BDH1: variants seen among roughly 807,000 people sequenced by gnomAD.
The protein encoded by BDH1 is D-beta-hydroxybutyrate dehydrogenase, mitochondrial.
A neutral mutation model predicts 33.1 loss-of-function variants in BDH1; 30 were observed. That is an observed-to-expected ratio of 0.91 (90% confidence interval 0.68 to 1.23). BDH1 has a LOEUF of 1.23. BDH1 is among the 50% of genes most tolerant of loss of function. BDH1 has a pLI of 0.00. For missense variants in BDH1, 443 were observed against 464.4 expected, an observed-to-expected ratio of 0.95 and a Z score of 0.42; for synonymous variants, 190 against 183.6, an observed-to-expected ratio of 1.03 and a Z score of -0.28.
intron 3 of BDH1, among the ~76,000 whole-genome samples, chr3:197,537,336 A>G (rs903320872): frequency 6.6e-6 from 1 of 152,228 alleles, no homozygotes; most frequent in Non-Finnish European, 1.5e-5. Flanking sequence ...CATTGCTAGT[A>G]TACAGAAATG....
In BDH1 at chr3:197,514,520, C is replaced by T. The variant is rs1332270271; in HGVS notation, c.410-104G>A. On this transcript the variant is annotated intron_variant, in intron 6 of 7. Coordinates refer to ENST00000392379, the MANE Select transcript of BDH1 (RefSeq NM_203314.3). This position sits in a 1 kb window ranked among gnomAD's most constrained non-coding sequence, Gnocchi z 4.2. The stretch of plus-strand genomic sequence containing the variant: ...CCTCTCTGCTTCTTTCCTGTGACTT[C>T]CCAGCCTCTCGCCCAGTGCTCTCAA... The T allele has an allele frequency of 3.8e-6, 5 of 1,328,394 alleles. No homozygotes were observed. The South Asian group carries it at 6.1e-5, about 16-fold the overall frequency. 82.3% of individuals were successfully genotyped at this position (1,328,394 alleles called of 1,614,324 possible).
chr3:197,568,901 A>T (rs915836441), intron 1 of BDH1, among the ~76,000 whole-genome samples: 1 of 152,236 alleles, frequency 6.6e-6, no homozygotes, highest in African/African-American at 2.4e-5. Context: ...TCATAAATCA[A>T]TGCAGGCTCC....
chr3:197,559,095 A>G (rs1717178850), upstream of BDH1, among the ~76,000 whole-genome samples: 1 of 148,878 alleles, frequency 6.7e-6, no homozygotes, highest in Admixed American at 6.8e-5. Flanking sequence ...CTCCGCCTCC[A>G]GGGTTCAAGC....
chr3:197,572,479 T>C (rs559694237), intron 1 of BDH1, among the ~76,000 whole-genome samples: 1 of 152,332 alleles, frequency 6.6e-6, no homozygotes, highest in Non-Finnish European at 1.5e-5. Context: ...GGTGATATTT[T>C]CCAGACCTCC....
At position 197,512,285 on chromosome 3, in the gene BDH1, C is replaced by T; in HGVS notation, c.642G>A (p.Gly214=). The T allele has an allele frequency of 1.2e-6, 2 of 1,612,826 alleles. No individual in the cohort carries two copies. The highest frequency in any genetic ancestry group is 1.6e-4 in the Middle Eastern group (1 of 6,062). Reference sequence around the variant, plus strand: ...GCAGGCAGTCCGAGAAAGCCTCTACCCCGAACTTGGTGATGCAGTACGGGG... The same window carrying T: ...GCAGGCAGTCCGAGAAAGCCTCTACTCCGAACTTGGTGATGCAGTACGGGG... ...ARSPYCITKF[G]VEAFSDCLRY... Residue 214 remains glycine (G), a synonymous_variant, in exon 8 of 8, where the codon GGG becomes GGA. Coordinates refer to ENST00000392379, the MANE Select transcript of BDH1 (RefSeq NM_203314.3).
At chr3:197,556,480 C>T (rs2108770231), upstream of BDH1, among the ~76,000 whole-genome samples, 1 of 152,214 alleles carries the variant, frequency 6.6e-6, no homozygotes, top group African/African-American at 2.4e-5. Flanking sequence ...CCAGCCTGGC[C>T]AACATGGTGA....
At chr3:197,529,060 A>C (rs1714401685) in intron 5 of BDH1, 1 of 152,182 alleles carries the variant, frequency 6.6e-6, no homozygotes, top group African/African-American at 2.4e-5. Flanking sequence ...CATTCTGCAG[A>C]AGAATCCAGC....
In BDH1 at chr3:197,512,209, T is replaced by C; in HGVS notation, c.718A>G (p.Asn240Asp). The change falls in exon 8 of 8, where the codon AAC becomes GAC. Residue 240 changes from asparagine to aspartate, a missense_variant. Asn to Asp is a conservative substitution (Grantham distance 23). Transcript: ENST00000392379. ...TAAAGGCTGGTGGCAGCGATGAAGT[T>C]GCCGGGCTCCACCACGCTGACCTTC... The part of the protein sequence containing the change: ...GVKVSVVEPG[N>D]FIAATSLYSP... The C allele has an allele frequency of 6.2e-7, 1 of 1,613,986 alleles. No individual in the cohort carries two copies. The highest frequency in any genetic ancestry group is 8.5e-7 in the Non-Finnish European group (1 of 1,180,018).
intron 4 of BDH1, 28 bp downstream of exon 4, chr3:197,533,461 G>T: frequency 3.7e-6 from 6 of 1,610,622 alleles, no homozygotes; most frequent in Middle Eastern, 1.7e-4. Context: ...CATCCAACTG[G>T]CTCCCGGGTA....
chr3:197,513,943 T>C (rs116630458), intron 7 of BDH1, among the ~76,000 whole-genome samples: 2,952 of 152,318 alleles, frequency 0.019, 97 homozygotes, highest in African/African-American at 0.066. Flanking sequence ...ACCTGACTGA[T>C]ACAAAGATGT....
intron 1 of BDH1, among the ~76,000 whole-genome samples, chr3:197,562,792 TGAG>T (rs1717308616): frequency 6.6e-6 from 1 of 151,400 alleles, no homozygotes; most frequent in African/African-American, 2.4e-5. Context: ...AATCTGAGAA[TGAG>T]GAGAAAACAA....
chr3:197,570,671 A>G (rs1157555382), intron 1 of BDH1, among the ~76,000 whole-genome samples: 1 of 152,242 alleles, frequency 6.6e-6, no homozygotes, highest in Non-Finnish European at 1.5e-5. Flanking sequence ...GGTGCACAGA[A>G]GTCAAGAATT....
intron 3 of BDH1, among the ~76,000 whole-genome samples, chr3:197,539,955 C>G (rs1715460441): frequency 6.6e-6 from 1 of 152,320 alleles, no homozygotes; most frequent in South Asian, 2.1e-4. Context: ...TCTTGATAAA[C>G]CGGTTCTGTC....
At position 197,522,091 on chromosome 3, in the gene BDH1, C is replaced by G. The variant is rs1713613803; in HGVS notation, c.409+549G>C. On this transcript the variant is annotated intron_variant, in intron 6 of 7. Transcript: ENST00000392379. This position sits in a 1 kb window ranked among gnomAD's most constrained non-coding sequence, Gnocchi z 4.8. ...CACTTGACCAACAGCCCCCGCTACCCTCCCCGTGCTCCTCGAAGCTGTGGT... is the reference window on the plus strand; with the variant it reads ...CACTTGACCAACAGCCCCCGCTACCGTCCCCGTGCTCCTCGAAGCTGTGGT... 6.6e-6 allele frequency among the ~76,000 whole-genome samples: 1 copy of G among 152,214 alleles called. No homozygotes were observed. Among genetic ancestry groups the G allele is most frequent in the Non-Finnish European group, 1.5e-5 (1 of 68,042 alleles).
chr3:197,537,833 T>G (rs1487583053), intron 3 of BDH1, among the ~76,000 whole-genome samples: 1 of 152,250 alleles, frequency 6.6e-6, no homozygotes, highest in Admixed American at 6.5e-5. Flanking sequence ...TAATGAACCA[T>G]CCTTATATCC....
intron 1 of BDH1, among the ~76,000 whole-genome samples, chr3:197,572,396 G>A (rs989321501): frequency 1.3e-5 from 2 of 152,200 alleles, no homozygotes; most frequent in African/African-American, 4.8e-5. Context: ...TTAGATGAAT[G>A]CACACGTACA....
intron 3 of BDH1, 42 bp downstream of exon 3, chr3:197,546,319 G>T: frequency 6.3e-7 from 1 of 1,599,444 alleles, no homozygotes; most frequent in Non-Finnish European, 8.6e-7. Flanking sequence ...TGCCTGCTCA[G>T]AAAGTGTCCC....
chr3:197,558,102 A>C (rs1249305200), upstream of BDH1, among the ~76,000 whole-genome samples: 1 of 152,268 alleles, frequency 6.6e-6, no homozygotes, highest in Non-Finnish European at 1.5e-5. Flanking sequence ...CATAAGACAG[A>C]AAAGGACATT....
In BDH1 at chr3:197,526,022, T is replaced by C. The variant is rs1243048706; in HGVS notation, c.268-3241A>G. Among the ~76,000 whole-genome samples the C allele has an allele frequency of 1.3e-5, 2 of 152,248 alleles. No individual in the cohort carries two copies. Among genetic ancestry groups the C allele is most frequent in the Admixed American group, 6.5e-5 (1 of 15,282 alleles). On this transcript the variant is annotated intron_variant, in intron 5 of 7. Coordinates refer to ENST00000392379, the MANE Select transcript of BDH1 (RefSeq NM_203314.3). The surrounding 1 kb of genome is among the most constrained non-coding windows in gnomAD (Gnocchi z 4.7). ...GCAACTGGCTTATTGATAAACCCAC[T>C]TCTTTATCTTACTGTCCCTTTCAAC...
Sources: allele counts gnomAD v4.1 joint callset (sites outside exome capture counted in the v4.1 genomes callset), GRCh38; gene constraint gnomAD v4.1.1; non-coding constraint Gnocchi (gnomAD v3.1); transcripts MANE v1.5; gene names NCBI Gene and HGNC (gene_info 2026-07-23, HGNC 2026-07-21).